Variants in DYNC1I1 observed in about 807,000 individuals in gnomAD.
DYNC1I1 encodes dynein cytoplasmic 1 intermediate chain 1.
A neutral mutation model predicts 86.6 loss-of-function variants in DYNC1I1; 43 were observed. The ratio of observed to expected loss-of-function variants is 0.50; its 90% CI spans 0.39 to 0.64. The LOEUF (loss-of-function observed/expected upper bound fraction) is 0.64, where lower values mean the gene tolerates loss of function less well. DYNC1I1 is among the 30% of genes least tolerant of loss of function. DYNC1I1 has a pLI of 0.00. For missense variants in DYNC1I1, 604 were observed against 788.8 expected (o/e 0.77, Z 2.81); for synonymous variants, 262 against 283.7 (o/e 0.92, Z 0.77).
chr7:96,076,122 C>A lies in DYNC1I1; in HGVS notation c.1575C>A (p.Pro525=), dbSNP rs765755659. The stretch of plus-strand genomic sequence containing the variant: ...ATGTGTACGATGTCATGTGGTCCCC[C>A]GTGCATCCTGCGCTTTTTGCCTGCG... The part of the protein sequence containing the change: ...ADYVYDVMWS[P]VHPALFACVD... The change falls in exon 15 of 17, where the codon CCC becomes CCA. Residue 525 remains proline, a synonymous_variant. Coordinates refer to ENST00000447467, the MANE Select transcript of DYNC1I1 (RefSeq NM_001135556.2). 6.2e-7 allele frequency: 1 copy of A among 1,614,142 alleles called. No homozygotes were observed. Among genetic ancestry groups the A allele is most frequent in the Non-Finnish European group, 8.5e-7 (1 of 1,180,012 alleles).
chr7:96,017,969 G>T (rs879360476), intron 10 of DYNC1I1, among the ~76,000 whole-genome samples: 12 of 152,158 alleles, frequency 7.9e-5, no homozygotes, highest in Non-Finnish European at 1.3e-4. Flanking sequence ...GTTCCCAGCA[G>T]GAAGTACCCA....
chr7:96,098,398 G>A lies in DYNC1I1; in HGVS notation c.*805G>A, dbSNP rs2116338740. ...TCTATGGTTCCTAAATATGACATCA[G>A]TGTTGCCAATAAAATGTTTCAAACC... On this transcript the variant is annotated 3_prime_UTR_variant, in exon 17 of 17. Transcript: ENST00000447467. 1 of 985,496 alleles carries A rather than the reference G, an allele frequency of 1.0e-6. No individual in the cohort carries two copies. The highest frequency in any genetic ancestry group is 1.2e-6 in the Non-Finnish European group (1 of 829,932). 61.0% of individuals were successfully genotyped at this position (985,496 alleles called of 1,614,324 possible).
intron 5 of DYNC1I1, among the ~76,000 whole-genome samples, chr7:95,840,473 C>A (rs1789250962): frequency 6.6e-6 from 1 of 152,140 alleles, no homozygotes; most frequent in African/African-American, 2.4e-5. Flanking sequence ...ATTGTTCATG[C>A]ATTTCTCTCC....
intron 6 of DYNC1I1, among the ~76,000 whole-genome samples, chr7:95,969,899 A>G (rs1793121163): frequency 6.6e-6 from 1 of 152,194 alleles, no homozygotes; most frequent in South Asian, 2.1e-4. Context: ...CAGAAAGTGA[A>G]GGTTTTTTCA....
intron 6 of DYNC1I1, among the ~76,000 whole-genome samples, chr7:95,935,303 A>G (rs1584175295): frequency 1.3e-5 from 2 of 152,126 alleles, no homozygotes; most frequent in South Asian, 4.1e-4. Context: ...CATATTGCAG[A>G]ATTTTCTTCT....
At chr7:96,074,741 T>C (rs1790280590) in intron 14 of DYNC1I1, among the ~76,000 whole-genome samples, 1 of 152,216 alleles carries the variant, frequency 6.6e-6, no homozygotes, top group Admixed American at 6.5e-5. Context: ...TTTTGTGCAT[T>C]TTATATTAAC....
intron 6 of DYNC1I1, among the ~76,000 whole-genome samples, chr7:95,922,511 G>A (rs146624393): frequency 4.6e-5 from 7 of 152,242 alleles, no homozygotes; most frequent in African/African-American, 9.6e-5. Flanking sequence ...CACACATGAA[G>A]CTTGTGTCCT....
intron 6 of DYNC1I1, among the ~76,000 whole-genome samples, chr7:95,917,919 A>G (rs1302714516): frequency 6.6e-6 from 1 of 152,222 alleles, no homozygotes; most frequent in South Asian, 2.1e-4. Flanking sequence ...CTGGGGCTGC[A>G]GGAGAGCATC....
chr7:96,068,926 T>C (rs1278216334), intron 14 of DYNC1I1, among the ~76,000 whole-genome samples: 1 of 152,210 alleles, frequency 6.6e-6, no homozygotes, highest in African/African-American at 2.4e-5. Context: ...ACTAGTAAAA[T>C]GTGGTTGCAC....
chr7:95,977,127 T>C (rs2115630423), intron 6 of DYNC1I1, among the ~76,000 whole-genome samples: 1 of 152,328 alleles, frequency 6.6e-6, no homozygotes, highest in African/African-American at 2.4e-5. Flanking sequence ...ATGAGTCATC[T>C]GTACAACAGG....
At chr7:95,847,219 A>G (rs975485102) in intron 5 of DYNC1I1, among the ~76,000 whole-genome samples, 1 of 152,114 alleles carries the variant, frequency 6.6e-6, no homozygotes, top group African/African-American at 2.4e-5. Context: ...CAAAGTCTCC[A>G]ATTTGCAGCA....
At chr7:95,804,461 C>A in intron 1 of DYNC1I1, 2 of 1,021,080 alleles carry the variant, frequency 2.0e-6, no homozygotes, top group South Asian at 1.5e-5. Flanking sequence ...AGTTGCGATT[C>A]TTGCTTAGGC....
At chr7:96,109,787 C>G (rs1409644904) in intron 16 of DYNC1I1, among the ~76,000 whole-genome samples, 1 of 151,908 alleles carries the variant, frequency 6.6e-6, no homozygotes, top group African/African-American at 2.4e-5. Flanking sequence ...TTTATTGAGA[C>G]TAGTTTTATG....
At position 95,970,025 on chromosome 7, in the gene DYNC1I1, G is replaced by T. The variant is rs549676361; in HGVS notation, c.491-7487G>T. ...ACCTTGGTTTGTGTAAGCATTCAGT[G>T]GTGCATGTTATACTTTATCTTGGCT... On this transcript the variant is annotated intron_variant, in intron 6 of 16. Transcript: ENST00000447467. 1.4e-3 allele frequency among the ~76,000 whole-genome samples: 215 copies of T among 152,246 alleles called. 2 individuals are homozygous for T. The highest frequency in any genetic ancestry group is 5.0e-3 in the African/African-American group (208 of 41,532).
At chr7:95,911,273 C>T (rs1211776489) in intron 6 of DYNC1I1, among the ~76,000 whole-genome samples, 5 of 152,164 alleles carry the variant, frequency 3.3e-5, no homozygotes, top group Non-Finnish European at 5.9e-5. Flanking sequence ...GTGAAGTGAT[C>T]TGAAGCCAGG....
At chr7:95,812,527 G>A (rs555563095) in intron 3 of DYNC1I1, among the ~76,000 whole-genome samples, 3 of 152,230 alleles carry the variant, frequency 2.0e-5, no homozygotes, top group Non-Finnish European at 4.4e-5. Context: ...TGTGCACATG[G>A]CAGGGTCTTC....
intron 6 of DYNC1I1, among the ~76,000 whole-genome samples, chr7:95,919,012 A>G (rs1791545086): frequency 6.6e-6 from 1 of 152,180 alleles, no homozygotes; most frequent in African/African-American, 2.4e-5. Context: ...TGGGAGGGAC[A>G]CTGAAGAAGT....
intron 6 of DYNC1I1, among the ~76,000 whole-genome samples, chr7:95,884,658 GC>G (rs1790543601): frequency 6.6e-6 from 1 of 152,072 alleles, no homozygotes; most frequent in Admixed American, 6.6e-5. Flanking sequence ...GCTTGGCCGG[GC>G]ATGGTGGCTC....
At chr7:95,922,042 T>A (rs1231096911) in intron 6 of DYNC1I1, among the ~76,000 whole-genome samples, 1 of 152,128 alleles carries the variant, frequency 6.6e-6, no homozygotes, top group African/African-American at 2.4e-5. Flanking sequence ...AAAACTTAAT[T>A]TCATCAAGTG....
Sources: allele counts gnomAD v4.1 joint callset (sites outside exome capture counted in the v4.1 genomes callset), GRCh38; gene constraint gnomAD v4.1.1; transcripts MANE v1.5; gene names NCBI Gene and HGNC (gene_info 2026-07-23, HGNC 2026-07-21).